Variants in EFCAB3 observed in about 807,000 individuals in gnomAD.
The protein encoded by EFCAB3 is EF-hand calcium-binding domain-containing protein 3.
A neutral mutation model predicts 42.2 loss-of-function variants in EFCAB3; 36 were observed. That is an observed-to-expected ratio of 0.85 (90% confidence interval 0.65 to 1.13). EFCAB3 has a LOEUF of 1.13. EFCAB3 is among the 50% of genes most tolerant of loss of function. The pLI is 0.00. For missense variants in EFCAB3, 418 were observed against 505.1 expected, an observed-to-expected ratio of 0.83 and a Z score of 1.65; for synonymous variants, 170 against 172.8, an observed-to-expected ratio of 0.98 and a Z score of 0.13.
exon 1 of EFCAB3, chr17:62,370,304 C>T (rs2070105610): frequency 1.9e-6 from 3 of 1,551,614 alleles, no homozygotes; most frequent in Non-Finnish European, 2.6e-6. Context: ...GGAGTTGATG[C>T]CTCATTTGAC....
chr17:62,381,138 T>A (rs2144055909), intron 1 of EFCAB3, among the ~76,000 whole-genome samples: 2 of 120,212 alleles, frequency 1.7e-5, no homozygotes, highest in Non-Finnish European at 3.4e-5. Flanking sequence ...CCTAATGCTA[T>A]CCCTCCCCCC....
In EFCAB3 at chr17:62,406,438, T is replaced by G. The variant is rs759232719; in HGVS notation, c.489-42T>G. ...TTGACTTTTTAAAATTTTTGTCCTATGTCTCTTTGTATCCATTTCTGAATT... is the reference window on the plus strand; with the variant it reads ...TTGACTTTTTAAAATTTTTGTCCTAGGTCTCTTTGTATCCATTTCTGAATT... On this transcript the variant is annotated intron_variant, in intron 6 of 9. Coordinates refer to ENST00000305286, the MANE Select transcript of EFCAB3 (RefSeq NM_173503.4). 3 of 1,498,656 alleles carry G rather than the reference T, an allele frequency of 2.0e-6. No individual in the cohort carries two copies. The African/African-American group carries it at 4.2e-5, about 21-fold the overall frequency. The allele number at this position is 1,498,656 out of a possible 1,614,324, so 92.8% of individuals were successfully genotyped here. A position where few individuals can be genotyped will look rare whatever the true frequency, so the allele number is the denominator to read the frequency against.
intron 6 of EFCAB3, among the ~76,000 whole-genome samples, chr17:62,400,094 T>C (rs949057594): frequency 6.6e-6 from 1 of 152,128 alleles, no homozygotes; most frequent in African/African-American, 2.4e-5. Flanking sequence ...AAGATCACAC[T>C]GGGATCTCCA....
At chr17:62,379,926 TG>T (rs2070182071), upstream of EFCAB3, among the ~76,000 whole-genome samples, 1 of 152,236 alleles carries the variant, frequency 6.6e-6, no homozygotes, top group Non-Finnish European at 1.5e-5. Flanking sequence ...ATTAATGAAA[TG>T]ATTCTTAATC....
At chr17:62,415,287 G>A (rs1445735629) in intron 9 of EFCAB3, among the ~76,000 whole-genome samples, 5 of 152,134 alleles carry the variant, frequency 3.3e-5, no homozygotes, top group Non-Finnish European at 7.3e-5. Context: ...CTGCTTAAAA[G>A]TGAACATGTC....
intron 1 of EFCAB3, among the ~76,000 whole-genome samples, chr17:62,373,105 AC>A (rs1342645853): frequency 6.6e-6 from 1 of 151,796 alleles, no homozygotes; most frequent in African/African-American, 2.4e-5. Context: ...ACCTGGCGAA[AC>A]CCCATCTCAC....
rs1164196944 is a variant in EFCAB3 at position 62,407,032 on chromosome 17, C to T, written c.687C>T (p.Cys229=). 1.3e-6 allele frequency: 2 copies of T among 1,574,502 alleles called. No individual in the cohort carries two copies. The highest frequency in any genetic ancestry group is 1.4e-5 in the African/African-American group (1 of 72,700). Reference sequence around the variant, plus strand: ...TTTTTGTTTTTATCTTTTTAGGATGCAATTCCGGTTCAGATAGCCCATATT... The same window carrying T: ...TTTTTGTTTTTATCTTTTTAGGATGTAATTCCGGTTCAGATAGCCCATATT... ...LFKFLEELKR[C]NSGSDSPYSK... is the part of the protein sequence containing the mutation. The change falls in exon 8 of 10, where the codon TGC becomes TGT. Residue 229 remains cysteine (C), a synonymous_variant. Coordinates refer to ENST00000305286, the MANE Select transcript of EFCAB3 (RefSeq NM_173503.4).
chr17:62,375,085 G>C (rs1452458239), intron 2 of EFCAB3, among the ~76,000 whole-genome samples: 14 of 152,180 alleles, frequency 9.2e-5, no homozygotes, highest in Non-Finnish European at 2.1e-4. Context: ...CTGCACTCCA[G>C]CCTCGATGAT....
chr17:62,389,875 C>T (rs1401269692), intron 3 of EFCAB3, among the ~76,000 whole-genome samples: 2 of 152,002 alleles, frequency 1.3e-5, no homozygotes, highest in Non-Finnish European at 2.9e-5. Context: ...CAAGCTCCGC[C>T]TCCCAGGTTC....
intron 8 of EFCAB3, among the ~76,000 whole-genome samples, chr17:62,408,385 T>C: frequency 6.6e-6 from 1 of 152,182 alleles, no homozygotes; most frequent in Non-Finnish European, 1.5e-5. Context: ...TCCCCTTCAA[T>C]CGATTCTCAA....
At chr17:62,379,961 T>G (rs2070182290), upstream of EFCAB3, among the ~76,000 whole-genome samples, 1 of 152,136 alleles carries the variant, frequency 6.6e-6, no homozygotes, top group South Asian at 2.1e-4. Context: ...GGCAGCTGAG[T>G]AAAATGTTTT....
In EFCAB3 at chr17:62,383,042, C is replaced by G. The variant is rs765669112; in HGVS notation, c.63C>G (p.Ser21=). ...KLNPLTKVPI[S]HNKRDRDLPG... is the part of the protein sequence containing the mutation. ...ATCCTCTAACAAAAGTACCCATCTC[C>G]CACAATAAAAGGTAGGTAATGAATG... Residue 21 remains serine (S), a synonymous_variant, in exon 2 of 10, where the codon TCC becomes TCG. Coordinates refer to ENST00000305286, the MANE Select transcript of EFCAB3 (RefSeq NM_173503.4). The G allele has an allele frequency of 1.2e-6, 2 of 1,612,554 alleles. No individual in the cohort carries two copies. The highest frequency in any genetic ancestry group is 1.7e-6 in the Non-Finnish European group (2 of 1,179,288).
intron 8 of EFCAB3, among the ~76,000 whole-genome samples, chr17:62,409,405 C>T (rs773733424): frequency 6.6e-6 from 1 of 152,110 alleles, no homozygotes; most frequent in Admixed American, 6.6e-5. Flanking sequence ...TGCAATGGTA[C>T]ATACCCCTAA....
intron 6 of EFCAB3, among the ~76,000 whole-genome samples, chr17:62,400,403 A>G (rs1473359064): frequency 6.6e-6 from 1 of 152,034 alleles, no homozygotes; most frequent in East Asian, 1.9e-4. Flanking sequence ...GACAGGCCCC[A>G]GTGTGTGATG....
At chr17:62,398,025 C>CA (rs34957895) in intron 6 of EFCAB3, 58,940 of 93,518 alleles carry the variant, frequency 0.63, 22,522 homozygotes, top group Non-Finnish European at 0.75. Context: ...GACTCCATCT[C>CA]AAAAAAAAAA....
chr17:62,380,118 C>T (rs1422008981), upstream of EFCAB3, among the ~76,000 whole-genome samples: 1 of 152,202 alleles, frequency 6.6e-6, no homozygotes, highest in Non-Finnish European at 1.5e-5. Context: ...TCTCCTGCCT[C>T]AGCCTCCTGA....
chr17:62,373,721 G>C (rs754774456), intron 1 of EFCAB3: 223 of 729,024 alleles, frequency 3.1e-4, no homozygotes, highest in Non-Finnish European at 4.7e-4. Flanking sequence ...ACTCATGGAA[G>C]AATTTCAGCC....
intron 2 of EFCAB3, among the ~76,000 whole-genome samples, chr17:62,384,750 G>T (rs1195595033): frequency 6.6e-6 from 1 of 152,132 alleles, no homozygotes; most frequent in Non-Finnish European, 1.5e-5. Flanking sequence ...AATACAGATG[G>T]TCCCCAACTT....
intron 6 of EFCAB3, among the ~76,000 whole-genome samples, chr17:62,399,208 G>A (rs1209182604): frequency 6.8e-6 from 1 of 146,464 alleles, no homozygotes; most frequent in South Asian, 2.2e-4. Flanking sequence ...TTTCTTTTTT[G>A]AGACAGGGTC....
Sources: allele counts gnomAD v4.1 joint callset (sites outside exome capture counted in the v4.1 genomes callset), GRCh38; gene constraint gnomAD v4.1.1; transcripts MANE v1.5; gene names NCBI Gene and HGNC (gene_info 2026-07-23, HGNC 2026-07-21).